KAZN: variants seen among roughly 807,000 people sequenced by gnomAD.
KAZN encodes the protein kazrin.
In KAZN, 40 loss-of-function variants were observed where a neutral mutation model predicts 87.4. The ratio of observed to expected loss-of-function variants is 0.46; its 90% CI spans 0.36 to 0.60. The LOEUF is 0.60. KAZN is among the 20% of genes least tolerant of loss of function. The pLI, the probability that KAZN is intolerant of heterozygous loss-of-function variation, is 0.00. For missense variants in KAZN, 898 were observed against 1,073.9 expected (o/e 0.84, Z 2.29); for synonymous variants, 466 against 458.3 (o/e 1.02, Z -0.22).
intron 2 of KAZN, among the ~76,000 whole-genome samples, chr1:14,390,082 A>G (rs574452064): frequency 2.6e-4 from 39 of 151,150 alleles, no homozygotes; most frequent in Admixed American, 2.5e-3. Flanking sequence ...AAATAAATAA[A>G]TAAATTTCAC....
chr1:14,995,136 A>G (rs902073953), intron 2 of KAZN, among the ~76,000 whole-genome samples: 6 of 152,280 alleles, frequency 3.9e-5, no homozygotes, highest in Middle Eastern at 3.4e-3. Flanking sequence ...GACAGAGTGT[A>G]TGTCTTTAAA....
chr1:14,340,447 CACA>C (rs1206788865), intron 2 of KAZN, among the ~76,000 whole-genome samples: 4 of 152,222 alleles, frequency 2.6e-5, no homozygotes, highest in Admixed American at 2.0e-4. Context: ...ACTTGGAAAT[CACA>C]ACAATTTGGG....
intron 1 of KAZN, among the ~76,000 whole-genome samples, chr1:14,102,348 G>A (rs572956132): frequency 2.2e-3 from 341 of 152,306 alleles, no homozygotes; most frequent in South Asian, 6.6e-3. Flanking sequence ...CGCTCGCTGA[G>A]CACCTGCCCT....
chr1:14,130,732 T>A (rs1308828005), intron 1 of KAZN, among the ~76,000 whole-genome samples: 1 of 152,192 alleles, frequency 6.6e-6, no homozygotes, highest in African/African-American at 2.4e-5. Flanking sequence ...GGACCTGATA[T>A]TACCACTGAG....
chr1:14,156,906 T>C (rs1379331587), intron 1 of KAZN, among the ~76,000 whole-genome samples: 1 of 137,034 alleles, frequency 7.3e-6, no homozygotes, highest in East Asian at 1.9e-4. Context: ...TTTTGTGGTC[T>C]TTTGTTTTTT....
chr1:14,248,462 C>G (rs1454886574), intron 2 of KAZN, among the ~76,000 whole-genome samples: 1 of 152,206 alleles, frequency 6.6e-6, no homozygotes, highest in African/African-American at 2.4e-5. Flanking sequence ...AATCGGACAG[C>G]TCCAATATGG....
At chr1:15,110,549 T>TTTTGTGTG (rs138391066) in intron 13 of KAZN, among the ~76,000 whole-genome samples, 13 of 148,078 alleles carry the variant, frequency 8.8e-5, no homozygotes, top group African/African-American at 3.3e-4. Context: ...GCATATGTGT[T>TTTTGTGTG]TGTGTGTGTG....
At chr1:14,166,327 AAAT>A (rs1645826540) in intron 1 of KAZN, among the ~76,000 whole-genome samples, 1 of 152,160 alleles carries the variant, frequency 6.6e-6, no homozygotes, top group African/African-American at 2.4e-5. Flanking sequence ...ATAAATAAAT[AAAT>A]AAATAACATG....
At chr1:14,478,747 A>C (rs1193195267) in intron 2 of KAZN, among the ~76,000 whole-genome samples, 1 of 152,022 alleles carries the variant, frequency 6.6e-6, no homozygotes, top group Non-Finnish European at 1.5e-5. Context: ...CCCGTGCCCC[A>C]TCCACCAGCT....
intron 2 of KAZN, among the ~76,000 whole-genome samples, chr1:14,999,346 C>T (rs1403548890): frequency 6.6e-6 from 1 of 152,256 alleles, no homozygotes; most frequent in Non-Finnish European, 1.5e-5. Flanking sequence ...GGGATGATGG[C>T]CATGCTAATG....
chr1:15,063,417 T>C, intron 6 of KAZN, 155 bp from the exon 7 acceptor site: 1 of 673,964 alleles, frequency 1.5e-6, no homozygotes, highest in Non-Finnish European at 2.7e-6. Flanking sequence ...GGTATCTGCT[T>C]CAGGAGATGG....
At chr1:15,108,110 A>G (rs1022647852) in intron 13 of KAZN, among the ~76,000 whole-genome samples, 2 of 152,216 alleles carry the variant, frequency 1.3e-5, no homozygotes, top group Non-Finnish European at 2.9e-5. Context: ...AAACTCAAAT[A>G]GACTTGACCC....
intron 1 of KAZN, among the ~76,000 whole-genome samples, chr1:14,917,461 C>T (rs531512679): frequency 1.3e-5 from 2 of 152,258 alleles, no homozygotes; most frequent in Admixed American, 6.5e-5. Context: ...GAGTGTGTCC[C>T]GCTCAGAAGC....
intron 2 of KAZN, among the ~76,000 whole-genome samples, chr1:14,988,621 G>A (rs1667058588): frequency 1.3e-5 from 2 of 152,228 alleles, no homozygotes; most frequent in Non-Finnish European, 2.9e-5. Flanking sequence ...GATTGGACTT[G>A]AAAAGTCCGT....
intron 1 of KAZN, among the ~76,000 whole-genome samples, chr1:14,014,309 G>A (rs1357415499): frequency 6.6e-6 from 1 of 152,048 alleles, no homozygotes; most frequent in Non-Finnish European, 1.5e-5. Context: ...AGACCAGGGT[G>A]CTTGGGCAAT....
chr1:13,900,064 C>G (rs2100835593), intron 1 of KAZN, among the ~76,000 whole-genome samples: 1 of 152,254 alleles, frequency 6.6e-6, no homozygotes, highest in East Asian at 1.9e-4. Context: ...TAGCTGCTAG[C>G]ATGATGAAAT....
intron 1 of KAZN, among the ~76,000 whole-genome samples, chr1:13,977,458 T>A (rs183022229): frequency 6.6e-6 from 1 of 152,304 alleles, no homozygotes; most frequent in Admixed American, 6.5e-5. Context: ...TCCTTCTGTC[T>A]GAGATCAATT....
intron 4 of KAZN, among the ~76,000 whole-genome samples, chr1:15,049,439 C>T (rs1437276898): frequency 6.6e-6 from 1 of 152,200 alleles, no homozygotes; most frequent in African/African-American, 2.4e-5. Flanking sequence ...GTGGCAGCTT[C>T]CCTGGCCTCC....
chr1:14,674,422 T>C (rs1640095075), intron 1 of KAZN, among the ~76,000 whole-genome samples: 1 of 152,228 alleles, frequency 6.6e-6, no homozygotes, highest in East Asian at 1.9e-4. Flanking sequence ...CCTGGGCTCC[T>C]GGAAGGAAGG....
Sources: allele counts gnomAD v4.1 joint callset (sites outside exome capture counted in the v4.1 genomes callset), GRCh38; gene constraint gnomAD v4.1.1; transcripts MANE v1.5; gene names NCBI Gene and HGNC (gene_info 2026-07-23, HGNC 2026-07-21).